GAB4: variants seen among roughly 807,000 people sequenced by gnomAD.
GAB4 encodes GRB2 associated binding protein family member 4.
GAB4 carries 26 observed loss-of-function variants against 51.3 expected under a neutral mutation model. The observed-to-expected ratio is 0.51, with a 90% CI of 0.37 to 0.70. The LOEUF is 0.70. Among genes scored for constraint, GAB4 ranks in the 30% least tolerant of loss-of-function variants. The pLI, the probability that GAB4 is intolerant of heterozygous loss-of-function variation, is 0.00. For missense variants in GAB4, 759 were observed against 734.6 expected, an observed-to-expected ratio of 1.03 and a Z score of -0.38; for synonymous variants, 329 against 291.2, an observed-to-expected ratio of 1.13 and a Z score of -1.32.
intron 1 of GAB4, among the ~76,000 whole-genome samples, chr22:16,998,277 G>T (rs9941951): frequency 1.8e-3 from 267 of 152,320 alleles, no homozygotes; most frequent in African/African-American, 5.8e-3. Context: ...CTACCCATGA[G>T]CATGGAATGT....
intron 1 of GAB4, among the ~76,000 whole-genome samples, chr22:17,006,833 A>G (rs2061043949): frequency 6.6e-6 from 1 of 152,160 alleles, no homozygotes; most frequent in Non-Finnish European, 1.5e-5. Flanking sequence ...CAGGGACGGG[A>G]GCATTACACA....
At position 17,007,538 on chromosome 22, in the gene GAB4, C is replaced by T. The variant is rs149533083; in HGVS notation, c.174+403G>A. Among the ~76,000 whole-genome samples, 572 of 151,186 alleles carry T rather than the reference C, an allele frequency of 3.8e-3. 1 individual carries two copies. The highest frequency in any genetic ancestry group is 0.024 in the Middle Eastern group (7 of 294). On this transcript the variant is annotated intron_variant, in intron 1 of 9. Coordinates refer to ENST00000400588, the MANE Select transcript of GAB4 (RefSeq NM_001037814.1). ...AGGGAAGGTGAGCAGGTTTAAGGCGCCTGCCTTCCTTGGGGCCTGGGAGGG... is the reference window on the plus strand; with the variant it reads ...AGGGAAGGTGAGCAGGTTTAAGGCGTCTGCCTTCCTTGGGGCCTGGGAGGG...
intron 3 of GAB4, among the ~76,000 whole-genome samples, chr22:16,976,844 G>C (rs901650481): frequency 2.0e-5 from 3 of 152,232 alleles, no homozygotes; most frequent in African/African-American, 7.2e-5. Context: ...CTACAACTCA[G>C]AAGAGAGAAG....
At chr22:16,963,627 C>CCACT in intron 9 of GAB4, 98 bp downstream of exon 9, 1 of 806,610 alleles carries the variant, frequency 1.2e-6, no homozygotes, top group Non-Finnish European at 2.0e-6. Context: ...GGAGTGGCAG[C>CCACT]CCAGCAGCCC....
chr22:16,988,799 T>C (rs1244931573), intron 2 of GAB4, among the ~76,000 whole-genome samples: 1 of 152,192 alleles, frequency 6.6e-6, no homozygotes, highest in African/African-American at 2.4e-5. Flanking sequence ...TGCTTTCCTA[T>C]ACCCACGACC....
At chr22:17,000,257 T>G (rs957666426) in intron 1 of GAB4, among the ~76,000 whole-genome samples, 1 of 152,190 alleles carries the variant, frequency 6.6e-6, no homozygotes, top group Non-Finnish European at 1.5e-5. Context: ...AGTCTCCAAT[T>G]ATTATTGTGT....
chr22:16,994,790 G>A lies in GAB4; in HGVS notation c.175-2614C>T, dbSNP rs893693035. Among the ~76,000 whole-genome samples the A allele has an allele frequency of 1.6e-4, 24 of 152,086 alleles. 1 individual carries two copies. Among genetic ancestry groups the A allele is most frequent in the Non-Finnish European group, 2.9e-5 (2 of 68,014 alleles). ...TGACTTCCATTTCTTTTTAATGCTT[G>A]TTACACTGACTAGACCCTTTGGTAC... On this transcript the variant is annotated intron_variant, in intron 1 of 9. Transcript: ENST00000400588.
intron 3 of GAB4, among the ~76,000 whole-genome samples, chr22:16,974,544 G>C (rs1246012208): frequency 6.6e-6 from 1 of 152,190 alleles, no homozygotes; most frequent in Non-Finnish European, 1.5e-5. Flanking sequence ...ACAGAGGCTG[G>C]TGGCATGTGG....
In GAB4 at chr22:17,008,203, G is replaced by C. The variant is rs1199338532; in HGVS notation, c.-89C>G. The C allele has an allele frequency of 1.1e-6, 1 of 915,718 alleles. No homozygotes were observed. The highest frequency in any genetic ancestry group is 1.7e-6 in the Non-Finnish European group (1 of 598,560). 56.7% of individuals were successfully genotyped at this position (915,718 alleles called of 1,614,324 possible). ...TGTGAGGGACGGCTTGCGATACCCT[G>C]GGACTGCGGGGTAGAAAGCGCAGTT... On this transcript the variant is annotated 5_prime_UTR_variant, in exon 1 of 10. Coordinates refer to ENST00000400588, the MANE Select transcript of GAB4 (RefSeq NM_001037814.1).
intron 3 of GAB4, among the ~76,000 whole-genome samples, chr22:16,971,819 C>G (rs2060734383): frequency 6.6e-6 from 1 of 152,202 alleles, no homozygotes; most frequent in African/African-American, 2.4e-5. Context: ...TGAAGGGAAG[C>G]AGGTGTGCAG....
intron 1 of GAB4, among the ~76,000 whole-genome samples, chr22:16,999,434 G>A (rs1269711730): frequency 1.3e-5 from 2 of 152,228 alleles, no homozygotes; most frequent in Non-Finnish European, 2.9e-5. Flanking sequence ...GCATAAAGGT[G>A]TTTATAGTAT....
chr22:16,962,455 T>G lies in GAB4; in HGVS notation c.*278A>C. On this transcript the variant is annotated 3_prime_UTR_variant, in exon 10 of 10. Transcript: ENST00000400588. ...GCTAGAAGGAAGAGGCTGAGGACCATGAGTAAGTGTGAGAGTGGAAATCTG... is the reference window on the plus strand; with the variant it reads ...GCTAGAAGGAAGAGGCTGAGGACCAGGAGTAAGTGTGAGAGTGGAAATCTG... The G allele has an allele frequency of 3.4e-6, 1 of 293,530 alleles. No individual in the cohort carries two copies. Among genetic ancestry groups the G allele is most frequent in the Non-Finnish European group, 6.3e-6 (1 of 158,644 alleles). The allele number at this position is 293,530 out of a possible 1,614,324, so 18.2% of individuals were successfully genotyped here.
At chr22:16,983,157 G>A (rs11703645) in intron 3 of GAB4, among the ~76,000 whole-genome samples, 3,381 of 126,078 alleles carry the variant, frequency 0.027, 57 homozygotes, top group Middle Eastern at 0.081. Context: ...TAGATCATGC[G>A]CTTGATGCAT....
intron 3 of GAB4, among the ~76,000 whole-genome samples, chr22:16,977,782 A>G (rs555728197): frequency 6.6e-6 from 1 of 152,330 alleles, no homozygotes; most frequent in Non-Finnish European, 1.5e-5. Context: ...ATTGGAAGTA[A>G]AACACTCCTC....
At chr22:16,962,928 G>C (rs1374842370) in intron 9 of GAB4, 52 bp from the exon 10 acceptor site, 1 of 1,564,864 alleles carries the variant, frequency 6.4e-7, no homozygotes, top group African/African-American at 1.3e-5. Context: ...AGTTCCTGGT[G>C]AGGAAGGGCA....
chr22:16,992,909 A>G (rs1041852751), intron 1 of GAB4, among the ~76,000 whole-genome samples: 5 of 152,078 alleles, frequency 3.3e-5, no homozygotes, highest in Admixed American at 2.0e-4. Context: ...ATTTTTTTGC[A>G]GAGATGGGGT....
At chr22:17,003,506 A>C (rs1170194335) in intron 1 of GAB4, among the ~76,000 whole-genome samples, 2 of 152,264 alleles carry the variant, frequency 1.3e-5, no homozygotes, top group Non-Finnish European at 1.5e-5. Context: ...CAATCAAATT[A>C]GAACTCAGGA....
At chr22:16,999,008 T>A (rs1356592072) in intron 1 of GAB4, among the ~76,000 whole-genome samples, 1 of 152,220 alleles carries the variant, frequency 6.6e-6, no homozygotes, top group Non-Finnish European at 1.5e-5. Context: ...TCGTGGTGAA[T>A]AAGCGTTTTG....
Position 16,963,811 on chromosome 22 carries a change from G to A in GAB4, c.1495C>T (p.Pro499Ser), listed in dbSNP as rs1420197690. 1.9e-6 allele frequency: 3 copies of A among 1,613,896 alleles called. No homozygotes were observed. Among genetic ancestry groups the A allele is most frequent in the Non-Finnish European group, 2.5e-6 (3 of 1,179,936 alleles). The stretch of plus-strand genomic sequence containing the variant: ...GAACTGCTGGTGCCACCGGAAACAG[G>A]AAATGCAGATGCCGGGTTCTGCTGT... ...YLFPNPASAFPVSGGTSSSAP... is the reference protein window; with the variant it reads ...YLFPNPASAFSVSGGTSSSAP... Residue 499 changes from proline to serine, a missense_variant, in exon 9 of 10, where the codon CCT (proline) becomes TCT (serine). Coordinates refer to ENST00000400588, the MANE Select transcript of GAB4 (RefSeq NM_001037814.1).
Sources: gnomAD v4.1 joint callset for allele counts (sites outside exome capture counted in the v4.1 genomes callset) on GRCh38, gnomAD v4.1.1 for gene constraint, MANE v1.5 for transcripts, NCBI Gene and HGNC (gene_info 2026-07-23, HGNC 2026-07-21) for gene names.